The following SDK1 variants were observed in gnomAD, a reference collection of about 807,000 sequenced individuals.
SDK1 encodes protein sidekick-1.
In SDK1, 157 loss-of-function variants were observed where a neutral mutation model predicts 245.5. The observed-to-expected ratio is 0.64, with a 90% CI of 0.56 to 0.73. The LOEUF (loss-of-function observed/expected upper bound fraction) is 0.73. SDK1 is among the 30% of genes least tolerant of loss of function. SDK1 has a pLI of 0.00. For missense variants in SDK1, 3,583 were observed against 3,002.3 expected (o/e 1.19, Z -4.52); for synonymous variants, 1,647 against 1,278.5 (o/e 1.29, Z -6.15).
intron 14 of SDK1, 99 bp downstream of exon 14, chr7:3,987,421 A>G (rs1783945096): frequency 2.4e-6 from 3 of 1,256,758 alleles, no homozygotes; most frequent in South Asian, 1.3e-5. Flanking sequence ...ACCCAAAACA[A>G]CTACTAAAAT....
intron 1 of SDK1, among the ~76,000 whole-genome samples, chr7:3,540,977 C>A (rs1204328839): frequency 6.6e-6 from 1 of 152,136 alleles, no homozygotes; most frequent in African/African-American, 2.4e-5. Flanking sequence ...TTTTATTTTA[C>A]TGGAGGAAAG....
At chr7:3,642,867 A>G (rs1012324037) in intron 4 of SDK1, 18 of 152,244 alleles carry the variant, frequency 1.2e-4, no homozygotes, top group Admixed American at 1.2e-3. Context: ...GAAATGCTAT[A>G]AGCTTAGGCC....
intron 19 of SDK1, among the ~76,000 whole-genome samples, chr7:4,067,121 C>A (rs917261587): frequency 1.3e-5 from 2 of 152,080 alleles, no homozygotes; most frequent in African/African-American, 4.8e-5. Flanking sequence ...TTTTATTTTC[C>A]CTGCTTCACA....
intron 5 of SDK1, among the ~76,000 whole-genome samples, chr7:3,922,391 C>T (rs182415474): frequency 3.2e-4 from 48 of 152,266 alleles, no homozygotes; most frequent in African/African-American, 1.1e-3. Flanking sequence ...TCGGCTGTGC[C>T]GGATTTACTT....
chr7:3,596,171 C>T (rs1455490468), intron 1 of SDK1, among the ~76,000 whole-genome samples: 3 of 152,024 alleles, frequency 2.0e-5, no homozygotes, highest in Admixed American at 6.6e-5. Flanking sequence ...CATTTTGGAG[C>T]GTTTCAGTCT....
At chr7:3,473,416 A>G (rs533874032) in intron 1 of SDK1, among the ~76,000 whole-genome samples, 23 of 152,376 alleles carry the variant, frequency 1.5e-4, no homozygotes, top group African/African-American at 4.3e-4. Flanking sequence ...TACTTCTTCA[A>G]TAATCCTTGT....
chr7:3,522,080 A>T (rs1454785781), intron 1 of SDK1, among the ~76,000 whole-genome samples: 3 of 152,058 alleles, frequency 2.0e-5, no homozygotes, highest in South Asian at 2.1e-4. Flanking sequence ...ACCATTTCAA[A>T]ACATAGGCTT....
chr7:3,409,433 G>C (rs986153051), intron 1 of SDK1, among the ~76,000 whole-genome samples: 1 of 151,808 alleles, frequency 6.6e-6, no homozygotes. Flanking sequence ...TGGCTGTTCT[G>C]CCTCTTCACC....
rs1779039332 is a variant in SDK1 at position 3,727,315 on chromosome 7, G to T, written c.713+85210G>T. 2.0e-5 allele frequency among the ~76,000 whole-genome samples: 3 copies of T among 152,276 alleles called. No individual in the cohort carries two copies. The South Asian group carries it at 6.2e-4, about 32-fold the overall frequency. ...TGTCTTCTCATCTAATGTGTAATCA[G>T]AACCCCTTAATAGGAAGTGGTTTCA... On this transcript the variant is annotated intron_variant, in intron 4 of 44. Coordinates refer to ENST00000404826, the MANE Select transcript of SDK1 (RefSeq NM_152744.4).
chr7:3,661,935 C>T (rs1259077023), intron 4 of SDK1, among the ~76,000 whole-genome samples: 2 of 151,962 alleles, frequency 1.3e-5, no homozygotes, highest in Non-Finnish European at 2.9e-5. Flanking sequence ...GCTTAGACTA[C>T]TACCTGGGTG....
chr7:3,342,196 C>T (rs553024971), intron 1 of SDK1, among the ~76,000 whole-genome samples: 5 of 152,222 alleles, frequency 3.3e-5, no homozygotes, highest in African/African-American at 4.8e-5. Flanking sequence ...CATCCATAGA[C>T]GAAATGATCA....
Position 3,826,370 on chromosome 7 carries a change from A to G in SDK1, c.847+4787A>G, listed in dbSNP as rs578226447. Reference sequence around the variant, plus strand: ...CTTTGTGAATGGAAATCCATATTTTACTTGATTTTCTTGATACAATCTAGT... The same window carrying G: ...CTTTGTGAATGGAAATCCATATTTTGCTTGATTTTCTTGATACAATCTAGT... On this transcript the variant is annotated intron_variant, in intron 5 of 44. Transcript: ENST00000404826. Among the ~76,000 whole-genome samples, 4 of 152,294 alleles carry G rather than the reference A, an allele frequency of 2.6e-5. No homozygotes were observed. In the South Asian group the frequency reaches 8.3e-4, roughly 32 times the overall value.
intron 4 of SDK1, among the ~76,000 whole-genome samples, chr7:3,813,949 T>G (rs1259501663): frequency 3.0e-5 from 4 of 133,404 alleles, no homozygotes; most frequent in Non-Finnish European, 4.7e-5. Context: ...TCCCACTTTT[T>G]GATGGGGTTG....
chr7:3,595,668 T>A (rs1781029544), intron 1 of SDK1, among the ~76,000 whole-genome samples: 2 of 151,750 alleles, frequency 1.3e-5, no homozygotes. Context: ...CTCTGCCACT[T>A]CCTGCGTGAC....
At chr7:4,029,146 G>A (rs942050233) in intron 17 of SDK1, among the ~76,000 whole-genome samples, 2 of 141,982 alleles carry the variant, frequency 1.4e-5, no homozygotes, top group African/African-American at 5.4e-5. Flanking sequence ...GGGGGGTGGG[G>A]GTCACTGAAT....
In SDK1 at chr7:4,267,359, T is replaced by C. The variant is rs1266477154; in HGVS notation, c.*1975T>C. On this transcript the variant is annotated 3_prime_UTR_variant, in exon 45 of 45. Transcript: ENST00000404826. The stretch of plus-strand genomic sequence containing the variant: ...TATTCCTTCTTCCTTTTCTCCTCCT[T>C]TTTCTGAGTGGAGGGGGAAATATTC... 4.1e-6 allele frequency: 4 copies of C among 982,082 alleles called. No homozygotes were observed. Among genetic ancestry groups the C allele is most frequent in the Admixed American group, 1.2e-4 (2 of 16,048 alleles). The allele number at this position is 982,082 out of a possible 1,614,324, so 60.8% of individuals were successfully genotyped here. A position where few individuals can be genotyped will look rare whatever the true frequency, so the allele number is the denominator to read the frequency against.
intron 1 of SDK1, among the ~76,000 whole-genome samples, chr7:3,380,220 C>T (rs992074425): frequency 4.6e-5 from 7 of 152,202 alleles, no homozygotes; most frequent in South Asian, 4.2e-4. Flanking sequence ...GGTCAATATC[C>T]GCAACATTAT....
At chr7:3,594,579 C>G (rs899211213) in intron 1 of SDK1, among the ~76,000 whole-genome samples, 2 of 152,170 alleles carry the variant, frequency 1.3e-5, no homozygotes, top group African/African-American at 4.8e-5. Context: ...GTTCTGATTT[C>G]TCCACATCCT....
intron 4 of SDK1, among the ~76,000 whole-genome samples, chr7:3,693,542 C>T (rs1432791155): frequency 1.3e-5 from 2 of 152,268 alleles, no homozygotes; most frequent in East Asian, 3.9e-4. Flanking sequence ...TTTGTATCTT[C>T]CTGTGACCTT....
Sources: allele counts gnomAD v4.1 joint callset (sites outside exome capture counted in the v4.1 genomes callset), GRCh38; gene constraint gnomAD v4.1.1; transcripts MANE v1.5; gene names NCBI Gene and HGNC (gene_info 2026-07-23, HGNC 2026-07-21).